SHISA6: variants seen among roughly 807,000 people sequenced by gnomAD.
SHISA6 encodes shisa family member 6.
Under a neutral mutation model 47.9 loss-of-function variants are expected in SHISA6, and 22 were observed. That is an observed-to-expected ratio of 0.46 (90% CI 0.33 to 0.66). The LOEUF (loss-of-function observed/expected upper bound fraction) is 0.66. SHISA6 is among the 30% of genes least tolerant of loss of function. The pLI is 0.02. For missense variants in SHISA6, 680 were observed against 764.6 expected, an observed-to-expected ratio of 0.89 and a Z score of 1.30; for synonymous variants, 388 against 337.8, an observed-to-expected ratio of 1.15 and a Z score of -1.63.
chr17:11,257,690 AGAAAG>A (rs1476385915), intron 1 of SHISA6, among the ~76,000 whole-genome samples: 6 of 151,876 alleles, frequency 4.0e-5, no homozygotes, highest in Admixed American at 2.6e-4. Flanking sequence ...AGAAAAGAAA[AGAAAG>A]GAAAGAAGGA....
intron 3 of SHISA6, among the ~76,000 whole-genome samples, chr17:11,529,049 C>G (rs79371125): frequency 6.6e-6 from 1 of 151,328 alleles, no homozygotes; most frequent in Non-Finnish European, 1.5e-5. Context: ...AAAAATTAGC[C>G]GGACATGGTG....
At chr17:11,271,387 C>A (rs899755448) in intron 2 of SHISA6, among the ~76,000 whole-genome samples, 6 of 152,096 alleles carry the variant, frequency 3.9e-5, no homozygotes, top group Non-Finnish European at 7.3e-5. Context: ...ATGACAAACT[C>A]GGGATTCAAC....
At chr17:11,442,817 G>A (rs1181175231) in intron 3 of SHISA6, among the ~76,000 whole-genome samples, 2 of 152,198 alleles carry the variant, frequency 1.3e-5, no homozygotes, top group Non-Finnish European at 2.9e-5. Flanking sequence ...AGTATAGGCA[G>A]TGCAGTGATG....
intron 3 of SHISA6, among the ~76,000 whole-genome samples, chr17:11,458,301 A>G (rs1915602536): frequency 6.6e-6 from 1 of 152,156 alleles, no homozygotes; most frequent in South Asian, 2.1e-4. Flanking sequence ...TGATGAAAAG[A>G]AGTCAACCTT....
intron 3 of SHISA6, among the ~76,000 whole-genome samples, chr17:11,538,229 A>G (rs1203379154): frequency 2.0e-5 from 3 of 152,026 alleles, no homozygotes; most frequent in African/African-American, 7.2e-5. Flanking sequence ...ATGCCCAGCT[A>G]ATTTTTGTAT....
intron 3 of SHISA6, among the ~76,000 whole-genome samples, chr17:11,443,580 G>A (rs58267482): frequency 0.13 from 19,136 of 152,074 alleles, 1,368 homozygotes; most frequent in Admixed American, 0.16. Context: ...CTTTTTGTGC[G>A]TCAGTTTCTT....
intron 3 of SHISA6, among the ~76,000 whole-genome samples, chr17:11,506,945 G>A (rs551971984): frequency 1.3e-5 from 2 of 152,306 alleles, no homozygotes; most frequent in African/African-American, 4.8e-5. Flanking sequence ...CAGTGTAATA[G>A]TCAAGGCTGT....
At chr17:11,292,339 G>A (rs944541014) in intron 2 of SHISA6, among the ~76,000 whole-genome samples, 2 of 151,872 alleles carry the variant, frequency 1.3e-5, no homozygotes, top group South Asian at 2.1e-4. Context: ...CCCTATGTCC[G>A]TGTGTTCTCA....
At chr17:11,267,112 A>C (rs753378412) in intron 2 of SHISA6, among the ~76,000 whole-genome samples, 1 of 152,228 alleles carries the variant, frequency 6.6e-6, no homozygotes, top group Non-Finnish European at 1.5e-5. Context: ...GTCCCCTTCT[A>C]TAAGAGCCTT....
intron 3 of SHISA6, among the ~76,000 whole-genome samples, chr17:11,539,478 A>G (rs1218026714): frequency 1.3e-5 from 2 of 152,250 alleles, no homozygotes; most frequent in Non-Finnish European, 2.9e-5. Context: ...ATACATGCAA[A>G]CACATACATA....
rs555585918 is a variant in SHISA6 at position 11,426,152 on chromosome 17, C to G, written c.895+46643C>G. On this transcript the variant is annotated intron_variant, in intron 3 of 5. Transcript: ENST00000441885. ...ACCAACCAGCAAAAACATGAGTGACCCTCCAAGAAGGACAGTCTAAGAATT... is the reference window on the plus strand; with the variant it reads ...ACCAACCAGCAAAAACATGAGTGACGCTCCAAGAAGGACAGTCTAAGAATT... 1.3e-3 allele frequency among the ~76,000 whole-genome samples: 198 copies of G among 152,210 alleles called. 4 individuals carry two copies. Among genetic ancestry groups the G allele is most frequent in the Non-Finnish European group, 1.6e-4 (11 of 68,010 alleles).
intron 5 of SHISA6, 35 bp downstream of exon 5, chr17:11,555,927 C>T: frequency 2.0e-6 from 3 of 1,486,434 alleles, no homozygotes; most frequent in Non-Finnish European, 1.8e-6. Context: ...GGGTCTGTCT[C>T]TGGGGCTCCA....
chr17:11,551,872 A>C, intron 3 of SHISA6, 24 bp from the exon 4 acceptor site: 3 of 1,549,764 alleles, frequency 1.9e-6, no homozygotes, highest in Non-Finnish European at 2.6e-6. Flanking sequence ...TCTTCTTTAA[A>C]AATTTCTTTT....
chr17:11,282,007 A>G (rs897610811), intron 2 of SHISA6, among the ~76,000 whole-genome samples: 6 of 152,158 alleles, frequency 3.9e-5, no homozygotes, highest in African/African-American at 1.2e-4. Context: ...TTTAAGAGCA[A>G]TTTCAATCTT....
At chr17:11,477,526 G>A (rs895949811) in intron 3 of SHISA6, among the ~76,000 whole-genome samples, 20 of 151,086 alleles carry the variant, frequency 1.3e-4, no homozygotes, top group Admixed American at 6.6e-4. Flanking sequence ...CCACTAACTC[G>A]TCATCTAGCA....
intron 3 of SHISA6, among the ~76,000 whole-genome samples, chr17:11,401,413 G>A (rs1001038585): frequency 6.6e-6 from 1 of 152,168 alleles, no homozygotes; most frequent in African/African-American, 2.4e-5. Flanking sequence ...TGCCCAGGCT[G>A]GCCTCAAACT....
intron 2 of SHISA6, among the ~76,000 whole-genome samples, chr17:11,281,676 GT>G (rs1410832045): frequency 2.0e-5 from 3 of 152,056 alleles, no homozygotes; most frequent in Non-Finnish European, 4.4e-5. Context: ...GCCGAAAAAT[GT>G]TTTTTTCTCT....
chr17:11,529,448 T>G (rs934289408), intron 3 of SHISA6, among the ~76,000 whole-genome samples: 1 of 152,188 alleles, frequency 6.6e-6, no homozygotes, highest in East Asian at 1.9e-4. Flanking sequence ...TGTATTATTT[T>G]ATAATAAATT....
chr17:11,374,960 A>G (rs978822910), intron 2 of SHISA6, among the ~76,000 whole-genome samples: 2 of 152,154 alleles, frequency 1.3e-5, no homozygotes, highest in Non-Finnish European at 2.9e-5. Flanking sequence ...TCCAGATAAG[A>G]GTGTCCCTCC....
Sources: gnomAD v4.1 joint callset for allele counts (sites outside exome capture counted in the v4.1 genomes callset) on GRCh38, gnomAD v4.1.1 for gene constraint, MANE v1.5 for transcripts, NCBI Gene and HGNC (gene_info 2026-07-23, HGNC 2026-07-21) for gene names.